Variants in GLIS3 observed in about 807,000 individuals in gnomAD.
The protein encoded by GLIS3 is GLIS family zinc finger 3.
GLIS3 carries 53 observed loss-of-function variants against 78.6 expected under a neutral mutation model. The observed-to-expected ratio is 0.67, with a 90% CI of 0.54 to 0.85. The LOEUF is 0.85. Ranked by LOEUF, GLIS3 falls within the 40% of genes least tolerant of loss-of-function variation. The probability of loss-of-function intolerance (pLI) is 0.00; values close to 1 mark genes in which losing one functional copy is unlikely to be tolerated. For synonymous variants in GLIS3, 684 were observed against 509.9 expected (o/e 1.34, Z -4.60); for missense variants, 1,703 against 1,231.1 (o/e 1.38, Z -5.74).
chr9:3,870,671 A>T (rs1007772745), intron 8 of GLIS3, among the ~76,000 whole-genome samples: 2 of 152,252 alleles, frequency 1.3e-5, no homozygotes, highest in Admixed American at 6.5e-5. Context: ...TACCATGAGA[A>T]CAGTATGAGG....
the GLIS3 span, among the ~76,000 whole-genome samples, chr9:4,380,131 G>A: frequency 7.9e-3 from 1,198 of 152,274 alleles, 16 homozygotes; most frequent in African/African-American, 0.027. Context: ...AACCTAGAAG[G>A]CATCTTGGCT....
At chr9:3,975,594 AC>A (rs1818718822) in intron 4 of GLIS3, among the ~76,000 whole-genome samples, 2 of 149,734 alleles carry the variant, frequency 1.3e-5, no homozygotes, top group Non-Finnish European at 3.0e-5. Flanking sequence ...AGCAAAAAGT[AC>A]CTTATAGGTG....
At chr9:4,166,631 A>T (rs553183769) in intron 2 of GLIS3, among the ~76,000 whole-genome samples, 1 of 152,100 alleles carries the variant, frequency 6.6e-6, no homozygotes, top group South Asian at 2.1e-4. Flanking sequence ...TGTATTCCCA[A>T]GTGGCCACTA....
chr9:3,846,645 C>G (rs1050141496), intron 9 of GLIS3, among the ~76,000 whole-genome samples: 3 of 152,146 alleles, frequency 2.0e-5, no homozygotes, highest in Non-Finnish European at 4.4e-5. Context: ...TTTTCTTAAG[C>G]AAAGGACTGG....
intron 4 of GLIS3, among the ~76,000 whole-genome samples, chr9:4,099,607 A>G (rs1830217083): frequency 6.6e-6 from 1 of 152,192 alleles, no homozygotes; most frequent in African/African-American, 2.4e-5. Flanking sequence ...ACTGGGGGTG[A>G]TGACTTCAAC....
At chr9:3,939,372 T>C (rs10974232) in intron 4 of GLIS3, among the ~76,000 whole-genome samples, 30,680 of 152,202 alleles carry the variant, frequency 0.2, 3,553 homozygotes, top group African/African-American at 0.32. Context: ...TGATAAGACA[T>C]AAACTATATG....
intron 4 of GLIS3, among the ~76,000 whole-genome samples, chr9:3,987,397 A>G (rs1271549585): frequency 6.6e-6 from 1 of 152,086 alleles, no homozygotes; most frequent in Non-Finnish European, 1.5e-5. Flanking sequence ...AGTAGAACCG[A>G]AAGAGTATAT....
At chr9:4,372,034 C>T in the GLIS3 span, among the ~76,000 whole-genome samples, 1 of 152,108 alleles carries the variant, frequency 6.6e-6, no homozygotes, top group African/African-American at 2.4e-5. Context: ...TTGGGTCTTG[C>T]CCCCTCCTCT....
chr9:4,216,953 C>A (rs944166872), intron 2 of GLIS3, among the ~76,000 whole-genome samples: 1 of 152,154 alleles, frequency 6.6e-6, no homozygotes, highest in African/African-American at 2.4e-5. Flanking sequence ...GGCCTCAATA[C>A]ATTAACAAGT....
the GLIS3 span, among the ~76,000 whole-genome samples, chr9:4,475,912 C>G: frequency 2.6e-5 from 4 of 152,176 alleles, no homozygotes; most frequent in East Asian, 7.7e-4. Flanking sequence ...TCTTGTTTGT[C>G]TGTTTTATTT....
At chr9:4,232,492 A>C (rs1333182638) in intron 2 of GLIS3, among the ~76,000 whole-genome samples, 4 of 152,112 alleles carry the variant, frequency 2.6e-5, no homozygotes, top group South Asian at 4.1e-4. Flanking sequence ...TCTGCCATTT[A>C]CTGGCTGTTT....
rs917962693 is a variant in GLIS3, at chr9:3,929,535, G to A, written c.1983+2825C>T. On this transcript the variant is annotated intron_variant, in intron 6 of 10. Transcript: ENST00000381971. ...CTATGGGTGCCTTGTCACTGGCCCC[G>A]ATTCCACAGTAGGACTCATAAAACT... Among the ~76,000 whole-genome samples the A allele has an allele frequency of 2.0e-5, 3 of 152,046 alleles. No individual in the cohort carries two copies. The East Asian group carries it at 5.8e-4, about 29-fold the overall frequency.
At chr9:4,162,611 G>C (rs1190769547) in intron 2 of GLIS3, among the ~76,000 whole-genome samples, 1 of 152,064 alleles carries the variant, frequency 6.6e-6, no homozygotes, top group African/African-American at 2.4e-5. Context: ...TGTAATCCCA[G>C]CACTTTGGGA....
At chr9:4,357,359 AG>A in the GLIS3 span, among the ~76,000 whole-genome samples, 341 of 152,326 alleles carry the variant, frequency 2.2e-3, 2 homozygotes, top group Middle Eastern at 0.01. Context: ...AGCCTGAGTA[AG>A]GAAGAATCCC....
intron 4 of GLIS3, among the ~76,000 whole-genome samples, chr9:3,945,628 G>A (rs1816241601): frequency 6.6e-6 from 1 of 152,094 alleles, no homozygotes; most frequent in Non-Finnish European, 1.5e-5. Context: ...CTACTGGGGA[G>A]GTGAGGAAAC....
intron 2 of GLIS3, among the ~76,000 whole-genome samples, chr9:4,226,595 G>C (rs1013600431): frequency 2.0e-5 from 3 of 152,190 alleles, no homozygotes; most frequent in Non-Finnish European, 2.9e-5. Context: ...ATGGCTTCCT[G>C]CTTCCTTCTG....
At chr9:4,173,029 C>T (rs1197514087) in intron 2 of GLIS3, among the ~76,000 whole-genome samples, 6 of 152,158 alleles carry the variant, frequency 3.9e-5, no homozygotes, top group South Asian at 4.1e-4. Context: ...TTTTTTAACA[C>T]TATGTGGACT....
chr9:4,170,663 G>T (rs1475060), intron 2 of GLIS3, among the ~76,000 whole-genome samples: 84,965 of 151,658 alleles, frequency 0.56, 24,013 homozygotes, highest in East Asian at 0.79. Context: ...AGGCTTACAC[G>T]AAATGTACGG....
intron 2 of GLIS3, among the ~76,000 whole-genome samples, chr9:4,327,065 G>A (rs1445421849): frequency 6.6e-5 from 10 of 152,364 alleles, no homozygotes; most frequent in East Asian, 3.9e-4. Context: ...ATAAATGGAG[G>A]TTACAATGTG....
Sources: gnomAD v4.1 joint callset for allele counts (sites outside exome capture counted in the v4.1 genomes callset) on GRCh38, gnomAD v4.1.1 for gene constraint, MANE v1.5 for transcripts, NCBI Gene and HGNC (gene_info 2026-07-23, HGNC 2026-07-21) for gene names.